SORCS3: variants seen among roughly 807,000 people sequenced by gnomAD.
The protein encoded by SORCS3 is sortilin related VPS10 domain containing receptor 3, also known as VPS10 domain-containing receptor SorCS3.
A neutral mutation model predicts 146.3 loss-of-function variants in SORCS3; 57 were observed. The ratio of observed to expected loss-of-function variants is 0.39; its 90% CI spans 0.31 to 0.49. The LOEUF (loss-of-function observed/expected upper bound fraction) is 0.49, where lower values mean the gene tolerates loss of function less well. Among genes scored for constraint, SORCS3 ranks in the 20% least tolerant of loss-of-function variants. The pLI is 0.92. For synonymous variants in SORCS3, 653 were observed against 618.5 expected, an observed-to-expected ratio of 1.06 and a Z score of -0.83; for missense variants, 1,341 against 1,575.5, an observed-to-expected ratio of 0.85 and a Z score of 2.52.
At chr10:105,188,852 G>A (rs2119587967) in intron 14 of SORCS3, among the ~76,000 whole-genome samples, 1 of 152,314 alleles carries the variant, frequency 6.6e-6, no homozygotes, top group South Asian at 2.1e-4. Flanking sequence ...AGGAGTTGAA[G>A]CTGGGTGAAA....
intron 3 of SORCS3, among the ~76,000 whole-genome samples, chr10:104,917,246 A>G (rs2019040096): frequency 6.6e-6 from 1 of 152,146 alleles, no homozygotes; most frequent in Non-Finnish European, 1.5e-5. Context: ...GTCCCAAAGC[A>G]TTGCCATTTT....
intron 1 of SORCS3, among the ~76,000 whole-genome samples, chr10:104,748,255 C>T (rs61577574): frequency 2.6e-4 from 39 of 152,242 alleles, no homozygotes; most frequent in East Asian, 1.2e-3. Flanking sequence ...TACTGAGTCC[C>T]GTTCAGTTTG....
At chr10:105,165,237 A>G (rs1286722731) in intron 12 of SORCS3, among the ~76,000 whole-genome samples, 3 of 152,154 alleles carry the variant, frequency 2.0e-5, no homozygotes, top group Non-Finnish European at 4.4e-5. Flanking sequence ...AGATAACTAT[A>G]ATTCAGGGTG....
chr10:104,711,990 C>T (rs1434468218), intron 1 of SORCS3, among the ~76,000 whole-genome samples: 1 of 152,152 alleles, frequency 6.6e-6, no homozygotes, highest in African/African-American at 2.4e-5. Context: ...TTCCAATAAC[C>T]AAGTTACCAT....
intron 4 of SORCS3, among the ~76,000 whole-genome samples, chr10:104,995,778 CA>C (rs887245034): frequency 1.3e-5 from 2 of 152,086 alleles, no homozygotes; most frequent in African/African-American, 4.8e-5. Flanking sequence ...TACAATTTAT[CA>C]ATTTTTTGGA....
intron 7 of SORCS3, among the ~76,000 whole-genome samples, chr10:105,128,062 G>A (rs763715751): frequency 6.6e-6 from 1 of 152,162 alleles, no homozygotes; most frequent in Non-Finnish European, 1.5e-5. Flanking sequence ...AATACCCGAT[G>A]CATGTCAGTT....
intron 4 of SORCS3, among the ~76,000 whole-genome samples, chr10:105,029,018 C>T (rs551523636): frequency 6.6e-6 from 1 of 152,288 alleles, no homozygotes; most frequent in East Asian, 1.9e-4. Flanking sequence ...GGCTATGTTC[C>T]AATCAAACTA....
At chr10:105,007,628 A>G (rs1161173620) in intron 4 of SORCS3, among the ~76,000 whole-genome samples, 2 of 152,136 alleles carry the variant, frequency 1.3e-5, no homozygotes, top group African/African-American at 4.8e-5. Flanking sequence ...CCATAATTGC[A>G]GACCGTTTTT....
chr10:105,007,759 C>T (rs1176120563), intron 4 of SORCS3, among the ~76,000 whole-genome samples: 1 of 152,026 alleles, frequency 6.6e-6, no homozygotes, highest in South Asian at 2.1e-4. Context: ...GGAGTGCTTA[C>T]TAGGTACCAA....
At chr10:104,704,365 C>T (rs980174186) in intron 1 of SORCS3, among the ~76,000 whole-genome samples, 10 of 151,910 alleles carry the variant, frequency 6.6e-5, no homozygotes, top group East Asian at 1.9e-4. Context: ...TTTTTAGGGA[C>T]GATATCTCCC....
intron 5 of SORCS3, among the ~76,000 whole-genome samples, chr10:105,087,114 A>G (rs956598456): frequency 2.0e-5 from 3 of 152,182 alleles, no homozygotes; most frequent in African/African-American, 4.8e-5. Context: ...TATAAGGTGT[A>G]AGGAAGGGGT....
intron 4 of SORCS3, among the ~76,000 whole-genome samples, chr10:104,999,337 A>G (rs2055047363): frequency 6.6e-6 from 1 of 152,142 alleles, no homozygotes; most frequent in African/African-American, 2.4e-5. Context: ...AGTAGTTTTG[A>G]TTTACATACT....
chr10:104,850,427 G>A (rs1471598692), intron 2 of SORCS3, among the ~76,000 whole-genome samples: 1 of 152,144 alleles, frequency 6.6e-6, no homozygotes, highest in Non-Finnish European at 1.5e-5. Context: ...TACAAAAAAT[G>A]TTAAAAAATT....
chr10:104,798,886 G>C (rs143870598), intron 1 of SORCS3, among the ~76,000 whole-genome samples: 1 of 152,072 alleles, frequency 6.6e-6, no homozygotes, highest in East Asian at 1.9e-4. Context: ...ATGGATAAAG[G>C]ATATGAATAG....
intron 1 of SORCS3, among the ~76,000 whole-genome samples, chr10:104,817,446 T>TTCTCCTTCTTCCTCC (rs1387359664): frequency 2.3e-5 from 2 of 86,670 alleles, no homozygotes; most frequent in African/African-American, 4.6e-5. Context: ...CTCCTCCCCC[T>TTCTCCTTCTTCCTCC]TCTCCTTCTT....
intron 4 of SORCS3, among the ~76,000 whole-genome samples, chr10:105,005,018 A>G (rs898108598): frequency 2.0e-5 from 3 of 152,194 alleles, no homozygotes; most frequent in Admixed American, 6.5e-5. Context: ...TGTAATCGTG[A>G]TATAGTTCCT....
intron 1 of SORCS3, among the ~76,000 whole-genome samples, chr10:104,660,086 A>G (rs756640491): frequency 6.6e-6 from 1 of 152,116 alleles, no homozygotes; most frequent in Non-Finnish European, 1.5e-5. Flanking sequence ...AGCCCGATTT[A>G]AATTTCCTTT....
chr10:104,769,404 G>T (rs1040434570), intron 1 of SORCS3, among the ~76,000 whole-genome samples: 3 of 152,204 alleles, frequency 2.0e-5, no homozygotes, highest in African/African-American at 7.2e-5. Flanking sequence ...GAGTATCTGA[G>T]GAGATATCCG....
intron 4 of SORCS3, among the ~76,000 whole-genome samples, chr10:105,026,842 A>T (rs937834326): frequency 1.3e-5 from 2 of 152,138 alleles, no homozygotes; most frequent in Non-Finnish European, 2.9e-5. Flanking sequence ...GGGTGGGGGA[A>T]GGGGACCAAG....
Sources: gnomAD v4.1 joint callset for allele counts (sites outside exome capture counted in the v4.1 genomes callset) on GRCh38, gnomAD v4.1.1 for gene constraint, MANE v1.5 for transcripts, NCBI Gene and HGNC (gene_info 2026-07-23, HGNC 2026-07-21) for gene names.